The following CSMD3 variants were observed in gnomAD, a reference collection of about 807,000 sequenced individuals.
CSMD3 encodes the protein CUB and sushi domain-containing protein 3.
A neutral mutation model predicts 435.2 loss-of-function variants in CSMD3; 177 were observed. The observed-to-expected ratio is 0.41, with a 90% CI of 0.36 to 0.46. CSMD3 has a LOEUF of 0.46. Among genes scored for constraint, CSMD3 ranks in the 20% least tolerant of loss-of-function variants. CSMD3 has a pLI of 0.34. For synonymous variants in CSMD3, 1,656 were observed against 1,520.5 expected (o/e 1.09, Z -2.07); for missense variants, 4,265 against 4,504.6 (o/e 0.95, Z 1.52).
At chr8:112,918,051 A>G (rs2082624426) in intron 10 of CSMD3, among the ~76,000 whole-genome samples, 1 of 151,904 alleles carries the variant, frequency 6.6e-6, no homozygotes, top group South Asian at 2.1e-4. Flanking sequence ...GCTTGCACTA[A>G]CTTGTAAACA....
At chr8:112,279,598 A>G (rs1189081226) in intron 59 of CSMD3, among the ~76,000 whole-genome samples, 1 of 152,166 alleles carries the variant, frequency 6.6e-6, no homozygotes, top group Non-Finnish European at 1.5e-5. Flanking sequence ...GTAATTAAGA[A>G]CCATCATATA....
chr8:113,143,371 G>A (rs1170773287), intron 4 of CSMD3, among the ~76,000 whole-genome samples: 2 of 151,252 alleles, frequency 1.3e-5, no homozygotes, highest in Non-Finnish European at 3.0e-5. Flanking sequence ...TATCACCAGC[G>A]GAAACAGAAA....
At chr8:113,211,167 A>C (rs2092830261) in intron 3 of CSMD3, among the ~76,000 whole-genome samples, 1 of 152,164 alleles carries the variant, frequency 6.6e-6, no homozygotes, top group South Asian at 2.1e-4. Context: ...AAAGACACAA[A>C]ATTATATGTA....
chr8:113,238,980 C>T (rs948566682), intron 3 of CSMD3, among the ~76,000 whole-genome samples: 8 of 152,122 alleles, frequency 5.3e-5, no homozygotes, highest in African/African-American at 1.9e-4. Context: ...ATAGACCACA[C>T]AAAGCAGGTT....
At chr8:113,235,126 A>G (rs957705375) in intron 3 of CSMD3, among the ~76,000 whole-genome samples, 1 of 152,132 alleles carries the variant, frequency 6.6e-6, no homozygotes, top group Admixed American at 6.6e-5. Flanking sequence ...AATTGTGGTG[A>G]AAGTCTTCGG....
At position 112,387,410 on chromosome 8, in the gene CSMD3, T is replaced by C. The variant is rs1170312307; in HGVS notation, c.5934+3254A>G. On this transcript the variant is annotated intron_variant, in intron 36 of 70. Transcript: ENST00000297405. ...AAACATTGCTTTAAACCTAGGGTAG[T>C]AGCCAGATAGCTTTTAGGTAAATTT... Among the ~76,000 whole-genome samples the C allele has an allele frequency of 2.6e-5, 4 of 152,050 alleles. No homozygotes were observed. In the East Asian group the frequency reaches 5.8e-4, roughly 22 times the overall value.
intron 1 of CSMD3, among the ~76,000 whole-genome samples, chr8:113,323,308 A>C (rs2093961491): frequency 6.6e-6 from 1 of 152,214 alleles, no homozygotes; most frequent in South Asian, 2.1e-4. Flanking sequence ...AAAAGAATGA[A>C]TAGATAAACA....
intron 22 of CSMD3, among the ~76,000 whole-genome samples, chr8:112,620,222 T>C (rs1450825865): frequency 6.6e-6 from 1 of 152,172 alleles, no homozygotes; most frequent in African/African-American, 2.4e-5. Context: ...TTGATTTAGT[T>C]CCTACTTTGG....
chr8:112,685,473 G>T lies in CSMD3; in HGVS notation c.2415C>A (p.His805Gln). The change falls in exon 15 of 71, where the codon CAC (histidine) becomes CAA (glutamine). Residue 805 changes from histidine (H) to glutamine (Q), a missense_variant. His to Gln is a conservative substitution (Grantham distance 24, BLOSUM62 0). This residue lies in a region of CSMD3 where 279 missense variants were observed against 369.0 expected (regional missense o/e 0.76). Coordinates refer to ENST00000297405, the MANE Select transcript of CSMD3 (RefSeq NM_198123.2). ...EVPSHLTSNS[H>Q]ILRLEFQADH... ...CAGCCTGAAATTCCAATCGCAGTATGTGACTATTACTAGTAAGATGGGAAG... is the reference window on the plus strand; with the variant it reads ...CAGCCTGAAATTCCAATCGCAGTATTTGACTATTACTAGTAAGATGGGAAG... 1.2e-6 allele frequency: 2 copies of T among 1,614,012 alleles called. No homozygotes were observed. Among genetic ancestry groups the T allele is most frequent in the Non-Finnish European group, 1.7e-6 (2 of 1,179,952 alleles).
chr8:112,409,003 T>C lies in CSMD3; in HGVS notation c.5425A>G (p.Thr1809Ala). The change falls in exon 33 of 71, where the codon ACA (threonine) becomes GCA (alanine). Residue 1809 changes from threonine (T) to alanine (A), a missense_variant. Physicochemically the swap from Thr to Ala is moderately conservative, Grantham distance 58 (BLOSUM62 0). This residue lies in a region of CSMD3 where 3,255 missense variants were observed against 3,380.2 expected (regional missense o/e 0.96). Coordinates refer to ENST00000297405, the MANE Select transcript of CSMD3 (RefSeq NM_198123.2). ...ACCTCAACAACATCGTGGAGTGATGTCTGGAAAAATACAAACTGGCCAAAC... is the reference window on the plus strand; with the variant it reads ...ACCTCAACAACATCGTGGAGTGATGCCTGGAAAAATACAAACTGGCCAAAC... ...VVFGQFVFFQ[T>A]SLHDVVEVYD... 1 of 1,613,402 alleles carries C rather than the reference T, an allele frequency of 6.2e-7. No individual in the cohort carries two copies. Among genetic ancestry groups the C allele is most frequent in the Non-Finnish European group, 8.5e-7 (1 of 1,179,644 alleles).
At chr8:113,372,264 T>A (rs918505823) in intron 1 of CSMD3, among the ~76,000 whole-genome samples, 1 of 152,208 alleles carries the variant, frequency 6.6e-6, no homozygotes, top group Admixed American at 6.5e-5. Flanking sequence ...TTGCACAAAG[T>A]CCATAGTTAG....
At chr8:112,486,882 C>T (rs894147821) in intron 31 of CSMD3, among the ~76,000 whole-genome samples, 7 of 152,098 alleles carry the variant, frequency 4.6e-5, no homozygotes, top group African/African-American at 1.7e-4. Flanking sequence ...TTGTTATCCC[C>T]AATTTTAAAT....
intron 1 of CSMD3, among the ~76,000 whole-genome samples, chr8:113,434,827 G>T (rs1365601986): frequency 6.6e-6 from 1 of 152,130 alleles, no homozygotes; most frequent in Admixed American, 6.5e-5. Context: ...CAGGCGGCGC[G>T]GATCAGCGTT....
At chr8:112,451,523 A>G (rs1235649027) in intron 32 of CSMD3, among the ~76,000 whole-genome samples, 2 of 152,054 alleles carry the variant, frequency 1.3e-5, no homozygotes, top group African/African-American at 2.4e-5. Flanking sequence ...ATTAACAATT[A>G]TAAGTACAAA....
intron 3 of CSMD3, among the ~76,000 whole-genome samples, chr8:113,188,798 G>C (rs1038941736): frequency 6.6e-6 from 1 of 151,876 alleles, no homozygotes; most frequent in African/African-American, 2.4e-5. Context: ...ATGTGGAAGT[G>C]AGACTATTGA....
At chr8:112,520,680 TAAA>T (rs1166558095) in intron 27 of CSMD3, among the ~76,000 whole-genome samples, 3 of 152,022 alleles carry the variant, frequency 2.0e-5, no homozygotes, top group Non-Finnish European at 2.9e-5. Context: ...TTGTGGTTAT[TAAA>T]AATAATAGAA....
intron 24 of CSMD3, among the ~76,000 whole-genome samples, chr8:112,564,815 T>G (rs1244027832): frequency 6.6e-6 from 1 of 152,128 alleles, no homozygotes; most frequent in Non-Finnish European, 1.5e-5. Context: ...ATGCTACTGA[T>G]TATTGATGAA....
At position 113,034,343 on chromosome 8, in the gene CSMD3, C is replaced by T. The variant is rs562991771; in HGVS notation, c.918-15164G>A. Among the ~76,000 whole-genome samples the T allele has an allele frequency of 5.9e-5, 9 of 151,424 alleles. 1 individual carries two copies. Among genetic ancestry groups the T allele is most frequent in the East Asian group, 1.9e-4 (1 of 5,174 alleles). Reference sequence around the variant, plus strand: ...ATGTATACACAAAATGTGATATATTCGGCAATAAAAATGAAGTACAGATAC... The same window carrying T: ...ATGTATACACAAAATGTGATATATTTGGCAATAAAAATGAAGTACAGATAC... On this transcript the variant is annotated intron_variant, in intron 5 of 70. Coordinates refer to ENST00000297405, the MANE Select transcript of CSMD3 (RefSeq NM_198123.2).
At chr8:113,099,714 T>G (rs2090274828) in intron 4 of CSMD3, among the ~76,000 whole-genome samples, 1 of 152,100 alleles carries the variant, frequency 6.6e-6, no homozygotes, top group African/African-American at 2.4e-5. Flanking sequence ...TAGTCTACTT[T>G]TGGCTGATGG....
Sources: allele counts gnomAD v4.1 joint callset (sites outside exome capture counted in the v4.1 genomes callset), GRCh38; gene constraint gnomAD v4.1.1; regional missense constraint gnomAD v4.1.1; transcripts MANE v1.5; gene names NCBI Gene and HGNC (gene_info 2026-07-23, HGNC 2026-07-21).